The following SEMA3E variants were observed in gnomAD, a reference collection of about 807,000 sequenced individuals.
The protein encoded by SEMA3E is semaphorin-3E.
In SEMA3E, 49 loss-of-function variants were observed where a neutral mutation model predicts 93.6. The ratio of observed to expected loss-of-function variants is 0.52; its 90% CI spans 0.42 to 0.66. SEMA3E has a LOEUF of 0.66. Among genes scored for constraint, SEMA3E ranks in the 30% least tolerant of loss-of-function variants. SEMA3E has a pLI of 0.00. For missense variants in SEMA3E, 906 were observed against 964.8 expected (o/e 0.94, Z 0.81); for synonymous variants, 363 against 330.7 (o/e 1.10, Z -1.06).
chr7:83,564,690 C>A (rs189569524), intron 1 of SEMA3E, among the ~76,000 whole-genome samples: 1 of 151,990 alleles, frequency 6.6e-6, no homozygotes, highest in Non-Finnish European at 1.5e-5. Context: ...GTTTTTTTAA[C>A]TTCTATAACT....
chr7:83,487,066 A>G (rs1470361590), intron 2 of SEMA3E, among the ~76,000 whole-genome samples: 1 of 152,054 alleles, frequency 6.6e-6, no homozygotes, highest in Non-Finnish European at 1.5e-5. Flanking sequence ...CTACCCTTAT[A>G]TAGTTTTCAC....
intron 1 of SEMA3E, among the ~76,000 whole-genome samples, chr7:83,514,889 T>C (rs1790895634): frequency 6.6e-6 from 1 of 152,182 alleles, no homozygotes; most frequent in Non-Finnish European, 1.5e-5. Flanking sequence ...CTACTTTGGA[T>C]AATAATTTGA....
intron 1 of SEMA3E, among the ~76,000 whole-genome samples, chr7:83,503,610 T>C (rs569974750): frequency 6.6e-6 from 1 of 152,306 alleles, no homozygotes; most frequent in South Asian, 2.1e-4. Flanking sequence ...CCAACCTAGA[T>C]GGTATAGCCT....
intron 2 of SEMA3E, among the ~76,000 whole-genome samples, chr7:83,481,822 T>A (rs1790151443): frequency 6.6e-6 from 1 of 152,204 alleles, no homozygotes; most frequent in Non-Finnish European, 1.5e-5. Flanking sequence ...TATTTCAAAG[T>A]TGTATGGAAA....
At chr7:83,471,114 G>A (rs1385934211) in intron 2 of SEMA3E, among the ~76,000 whole-genome samples, 1 of 151,710 alleles carries the variant, frequency 6.6e-6, no homozygotes, top group African/African-American at 2.4e-5. Context: ...AGTTTAGCAG[G>A]GCTAATTAGC....
At chr7:83,630,339 A>G (rs752952562) in intron 1 of SEMA3E, among the ~76,000 whole-genome samples, 10 of 152,182 alleles carry the variant, frequency 6.6e-5, no homozygotes, top group Non-Finnish European at 1.5e-4. Context: ...CCATTTCCTC[A>G]TATTGATGAG....
Position 83,458,003 on chromosome 7 carries a change from T to C in SEMA3E, c.456+8479A>G, listed in dbSNP as rs186444780. On this transcript the variant is annotated intron_variant, in intron 4 of 16. Coordinates refer to ENST00000643230, the MANE Select transcript of SEMA3E (RefSeq NM_012431.3). ...GTTTTGGGGATAAATCTCATACTGCTTTTATTATCGGATGGTCACCAGTTT... is the reference window on the plus strand; with the variant it reads ...GTTTTGGGGATAAATCTCATACTGCCTTTATTATCGGATGGTCACCAGTTT... 1.4e-3 allele frequency among the ~76,000 whole-genome samples: 209 copies of C among 152,148 alleles called. 1 individual carries two copies. The highest frequency in any genetic ancestry group is 4.9e-3 in the African/African-American group (202 of 41,548).
chr7:83,604,876 C>T (rs1436130857), intron 1 of SEMA3E, among the ~76,000 whole-genome samples: 2 of 152,030 alleles, frequency 1.3e-5, no homozygotes, highest in Non-Finnish European at 2.9e-5. Flanking sequence ...TGAGTGAGAA[C>T]ACGTGGTGTT....
chr7:83,590,721 G>C (rs548401599), intron 1 of SEMA3E, among the ~76,000 whole-genome samples: 1 of 152,208 alleles, frequency 6.6e-6, no homozygotes, highest in African/African-American at 2.4e-5. Flanking sequence ...GATGCCTGTA[G>C]ACATATTGGG....
intron 1 of SEMA3E, among the ~76,000 whole-genome samples, chr7:83,537,425 A>C (rs1791429165): frequency 1.3e-5 from 2 of 152,138 alleles, no homozygotes; most frequent in Non-Finnish European, 2.9e-5. Context: ...CCCTTTGGTA[A>C]TGTCTAGAGA....
At chr7:83,533,025 A>C (rs1471352717) in intron 1 of SEMA3E, among the ~76,000 whole-genome samples, 1 of 151,938 alleles carries the variant, frequency 6.6e-6, no homozygotes, top group Non-Finnish European at 1.5e-5. Flanking sequence ...CCACCCCACA[A>C]ATCTCTAGGA....
At chr7:83,541,499 G>A (rs914701432) in intron 1 of SEMA3E, among the ~76,000 whole-genome samples, 3 of 149,160 alleles carry the variant, frequency 2.0e-5, no homozygotes, top group African/African-American at 4.9e-5. Context: ...CTCACTCTCT[G>A]TCAGTTTCTC....
chr7:83,596,921 C>A (rs1470751260), intron 1 of SEMA3E, among the ~76,000 whole-genome samples: 1 of 152,160 alleles, frequency 6.6e-6, no homozygotes, highest in Non-Finnish European at 1.5e-5. Flanking sequence ...GGAAACTCTT[C>A]ATCCTACAGT....
chr7:83,477,926 CTT>C (rs11310519), intron 2 of SEMA3E, among the ~76,000 whole-genome samples: 134 of 147,596 alleles, frequency 9.1e-4, no homozygotes, highest in African/African-American at 3.0e-3. Flanking sequence ...GTAATTTTGG[CTT>C]TTTTTTTTTG....
At chr7:83,509,662 C>A (rs898559921) in intron 1 of SEMA3E, among the ~76,000 whole-genome samples, 3 of 152,060 alleles carry the variant, frequency 2.0e-5, no homozygotes, top group Non-Finnish European at 4.4e-5. Flanking sequence ...GATTCTCTAC[C>A]TGGGTTGCAC....
chr7:83,504,179 C>A (rs1379289949), intron 1 of SEMA3E, among the ~76,000 whole-genome samples: 1 of 152,136 alleles, frequency 6.6e-6, no homozygotes, highest in African/African-American at 2.4e-5. Context: ...AATTTGAATA[C>A]TTTATCAATA....
intron 1 of SEMA3E, among the ~76,000 whole-genome samples, chr7:83,556,359 A>G (rs1213646126): frequency 6.6e-6 from 1 of 152,168 alleles, no homozygotes; most frequent in East Asian, 1.9e-4. Context: ...TACTGCTAGT[A>G]TTAGTCATTC....
chr7:83,579,716 CTT>C (rs1022609250), intron 1 of SEMA3E, among the ~76,000 whole-genome samples: 6 of 152,038 alleles, frequency 3.9e-5, no homozygotes, highest in African/African-American at 1.4e-4. Context: ...GACAATTATT[CTT>C]TTTCTTTCTT....
intron 4 of SEMA3E, among the ~76,000 whole-genome samples, chr7:83,444,239 A>G (rs1789179338): frequency 6.6e-6 from 1 of 152,208 alleles, no homozygotes; most frequent in Non-Finnish European, 1.5e-5. Flanking sequence ...TAGTGAATGC[A>G]TGGACAAATT....
Sources: gnomAD v4.1 joint callset for allele counts (sites outside exome capture counted in the v4.1 genomes callset) on GRCh38, gnomAD v4.1.1 for gene constraint, MANE v1.5 for transcripts, NCBI Gene and HGNC (gene_info 2026-07-23, HGNC 2026-07-21) for gene names.